TCTN3: variants seen among roughly 807,000 people sequenced by gnomAD.
The protein encoded by TCTN3 is tectonic family member 3.
A neutral mutation model predicts 71.3 loss-of-function variants in TCTN3; 57 were observed. The observed-to-expected ratio is 0.80, with a 90% CI of 0.65 to 1.00. TCTN3 has a LOEUF of 1.00. Among genes scored for constraint, TCTN3 ranks in the 50% least tolerant of loss-of-function variants. The probability of loss-of-function intolerance (pLI) is 0.00; values close to 1 mark genes in which losing one functional copy is unlikely to be tolerated. For synonymous variants in TCTN3, 258 were observed against 267.8 expected, an observed-to-expected ratio of 0.96 and a Z score of 0.36; for missense variants, 696 against 719.9, an observed-to-expected ratio of 0.97 and a Z score of 0.38.
rs2097923835 is a variant in TCTN3, at chr10:95,664,059, T to A, written c.*8A>T. 5 of 1,612,342 alleles carry A rather than the reference T, an allele frequency of 3.1e-6. No homozygotes were observed. The highest frequency in any genetic ancestry group is 1.3e-5 in the African/African-American group (1 of 74,954). On this transcript the variant is annotated 3_prime_UTR_variant, in exon 14 of 14. Transcript: ENST00000371217. ...AGGGAAAACTGAAATCTGATTATTTTCTTTTCTTCACATAGTCTCTAGGTT... is the reference window on the plus strand; with the variant it reads ...AGGGAAAACTGAAATCTGATTATTTACTTTTCTTCACATAGTCTCTAGGTT...
intron 13 of TCTN3, among the ~76,000 whole-genome samples, chr10:95,676,556 C>T (rs2097937368): frequency 6.6e-6 from 1 of 152,022 alleles, no homozygotes; most frequent in Non-Finnish European, 1.5e-5. Context: ...ATTGTGGGTG[C>T]ACTGGGTATA....
rs1189362278 is a variant in TCTN3, at chr10:95,693,670, C to A, written c.230G>T (p.Gly77Val). ...TGGGAAGAGGTCCACAGTCCTATTC[C>A]CAGGGGCCGAGGGAGTCACGAGAGT... ...VPTLVTPSAP[G>V]NRTVDLFPVL... Residue 77 changes from glycine to valine, a missense_variant, in exon 1 of 14, where the codon GGG (glycine) becomes GTG (valine). Transcript: ENST00000371217. 6.4e-7 allele frequency: 1 copy of A among 1,551,526 alleles called. No homozygotes were observed. The highest frequency in any genetic ancestry group is 1.4e-5 in the African/African-American group (1 of 73,040).
intron 13 of TCTN3, among the ~76,000 whole-genome samples, chr10:95,666,192 C>T (rs1003343177): frequency 1.3e-5 from 2 of 151,474 alleles, no homozygotes; most frequent in African/African-American, 4.9e-5. Context: ...CTGCCCGCCT[C>T]GGCCTCCCAA....
intron 3 of TCTN3, among the ~76,000 whole-genome samples, 193 bp from the exon 4 acceptor site, chr10:95,687,912 G>T (rs1212980356): frequency 6.6e-6 from 1 of 152,002 alleles, no homozygotes; most frequent in African/African-American, 2.4e-5. Flanking sequence ...TCCCCAGAAG[G>T]CTCCCAATCA....
At chr10:95,688,756 T>C (rs1008069450) in intron 3 of TCTN3, among the ~76,000 whole-genome samples, 1 of 152,194 alleles carries the variant, frequency 6.6e-6, no homozygotes. Flanking sequence ...TAGCAATGTA[T>C]AAATCTACCG....
At chr10:95,691,127 T>C (rs754500655) in intron 3 of TCTN3, among the ~76,000 whole-genome samples, 93 of 152,252 alleles carry the variant, frequency 6.1e-4, no homozygotes, top group Non-Finnish European at 9.9e-4. Flanking sequence ...AGCATGATCA[T>C]AAGGCTGGAT....
At chr10:95,681,376 T>A (rs1188385536) in intron 12 of TCTN3, among the ~76,000 whole-genome samples, 1 of 152,216 alleles carries the variant, frequency 6.6e-6, no homozygotes, top group Admixed American at 6.5e-5. Context: ...GCACCTGGCT[T>A]CCTTGATTAA....
chr10:95,683,269 C>T, intron 10 of TCTN3, 74 bp from the exon 11 acceptor site: 1 of 1,542,338 alleles, frequency 6.5e-7, no homozygotes, highest in Non-Finnish European at 8.8e-7. Context: ...AATTTATGTT[C>T]TCATTCTCCT....
In TCTN3 at chr10:95,680,365, A is replaced by C. The variant is rs1315301633; in HGVS notation, c.1590+107T>G. The C allele has an allele frequency of 2.9e-6, 4 of 1,359,906 alleles. No homozygotes were observed. The East Asian group carries it at 9.9e-5, about 34-fold the overall frequency. 84.2% of individuals were successfully genotyped at this position (1,359,906 alleles called of 1,614,324 possible). Reference sequence around the variant, plus strand: ...TCACTTTAAACAAACATTGGTTGCTAACATAAATTAGCTCTTGGAAGGTAA... The same window carrying C: ...TCACTTTAAACAAACATTGGTTGCTCACATAAATTAGCTCTTGGAAGGTAA... On this transcript the variant is annotated intron_variant, in intron 13 of 13. Coordinates refer to ENST00000371217, the MANE Select transcript of TCTN3 (RefSeq NM_015631.6).
intron 3 of TCTN3, 146 bp downstream of exon 3, chr10:95,692,774 T>G: frequency 4.8e-6 from 3 of 625,332 alleles, no homozygotes; most frequent in Non-Finnish European, 8.3e-6. Flanking sequence ...TTTGCTTTTT[T>G]TTTGTTGTTG....
At chr10:95,672,619 T>A (rs149478855) in intron 13 of TCTN3, among the ~76,000 whole-genome samples, 1 of 152,150 alleles carries the variant, frequency 6.6e-6, no homozygotes, top group African/African-American at 2.4e-5. Flanking sequence ...ATGATAATGA[T>A]GTTGAATACC....
chr10:95,664,537 T>C (rs984759839), intron 13 of TCTN3, among the ~76,000 whole-genome samples: 2 of 152,228 alleles, frequency 1.3e-5, no homozygotes, highest in Non-Finnish European at 2.9e-5. Flanking sequence ...ACCCTGACTC[T>C]AGCTTCCCCT....
chr10:95,693,453 A>C lies in TCTN3; in HGVS notation c.280T>G (p.Leu94Val). 1 of 1,552,212 alleles carries C rather than the reference A, an allele frequency of 6.4e-7. No homozygotes were observed. Residue 94 changes from leucine (L) to valine (V), a missense_variant, in exon 2 of 14, where the codon TTG becomes GTG. Coordinates refer to ENST00000371217, the MANE Select transcript of TCTN3 (RefSeq NM_015631.6). ...FPVLPICVCD[L>V]TPGACDINCC... ...TTTATATCGCAGGCTCCAGGAGTCA[A>C]GTCACAGACACAGATCGGTAAGACT...
At chr10:95,666,013 T>C (rs1024394255) in intron 13 of TCTN3, among the ~76,000 whole-genome samples, 1 of 151,702 alleles carries the variant, frequency 6.6e-6, no homozygotes, top group African/African-American at 2.4e-5. Flanking sequence ...TGATCTCGGC[T>C]CACTGCAAGC....
At chr10:95,687,969 T>C (rs2097950054) in intron 3 of TCTN3, among the ~76,000 whole-genome samples, 1 of 152,022 alleles carries the variant, frequency 6.6e-6, no homozygotes, top group African/African-American at 2.4e-5. Flanking sequence ...TCACTTCTTA[T>C]TCACAATCTA....
intron 13 of TCTN3, among the ~76,000 whole-genome samples, chr10:95,679,265 G>A (rs1245597530): frequency 7.2e-5 from 11 of 152,224 alleles, no homozygotes; most frequent in Non-Finnish European, 1.3e-4. Context: ...GAAATACACA[G>A]TGAACAGTCC....
At chr10:95,683,702 C>T (rs541970958) in intron 9 of TCTN3, 73 bp from the exon 10 acceptor site, 28 of 1,323,642 alleles carry the variant, frequency 2.1e-5, no homozygotes, top group South Asian at 5.8e-5. Context: ...TTGGCTTCAC[C>T]GTACCCTTCC....
At chr10:95,673,230 T>C (rs1169562759) in intron 13 of TCTN3, among the ~76,000 whole-genome samples, 3 of 152,194 alleles carry the variant, frequency 2.0e-5, no homozygotes, top group Non-Finnish European at 4.4e-5. Context: ...CAATGATTTT[T>C]TTGTTTCTTG....
Position 95,693,377 on chromosome 10 carries a change from G to A in TCTN3, c.356C>T (p.Ser119Phe). 1 of 1,551,872 alleles carries A rather than the reference G, an allele frequency of 6.4e-7. No homozygotes were observed. The highest frequency in any genetic ancestry group is 8.7e-7 in the Non-Finnish European group (1 of 1,147,016). Residue 119 changes from serine (S) to phenylalanine (F), a missense_variant, in exon 2 of 14, where the codon TCC (serine) becomes TTC (phenylalanine). Coordinates refer to ENST00000371217, the MANE Select transcript of TCTN3 (RefSeq NM_015631.6). ...CYLLHPRTVF[S>F]FCLPGSVRSS... ...CCTTACGCTGCCTGGAAGGCAGAAG[G>A]AGAAAACTGTCCTCGGATGGAGAAG...
Sources: allele counts gnomAD v4.1 joint callset (sites outside exome capture counted in the v4.1 genomes callset), GRCh38; gene constraint gnomAD v4.1.1; transcripts MANE v1.5; gene names NCBI Gene and HGNC (gene_info 2026-07-23, HGNC 2026-07-21).